AFG2A: variants seen among roughly 807,000 people sequenced by gnomAD.
AFG2A encodes ATPase family gene 2 protein homolog A.
At chr4:123,308,880 C>T in the AFG2A span, among the ~76,000 whole-genome samples, 2 of 152,214 alleles carry the variant, frequency 1.3e-5, no homozygotes, top group African/African-American at 4.8e-5. Context: ...GCTGCTACCA[C>T]TGTTGCTGCC....
the AFG2A span, among the ~76,000 whole-genome samples, chr4:122,974,328 G>C: frequency 6.6e-6 from 1 of 152,106 alleles, no homozygotes; most frequent in Non-Finnish European, 1.5e-5. Context: ...TGTCTCAGTA[G>C]GGTGATGTAT....
At chr4:123,036,955 CT>C in the AFG2A span, among the ~76,000 whole-genome samples, 1 of 151,976 alleles carries the variant, frequency 6.6e-6, no homozygotes, top group South Asian at 2.1e-4. Flanking sequence ...TTTCAAGTTC[CT>C]TTACTCACAT....
At chr4:123,225,996 G>A in the AFG2A span, among the ~76,000 whole-genome samples, 1 of 152,102 alleles carries the variant, frequency 6.6e-6, no homozygotes, top group Non-Finnish European at 1.5e-5. Flanking sequence ...GTTCACTCAT[G>A]ATTTGGTTCT....
At chr4:123,159,668 G>A in the AFG2A span, among the ~76,000 whole-genome samples, 1 of 152,164 alleles carries the variant, frequency 6.6e-6, no homozygotes, top group African/African-American at 2.4e-5. Context: ...CTGGGAAGCA[G>A]TGGGATATTA....
chr4:123,138,055 A>C, the AFG2A span, among the ~76,000 whole-genome samples: 1 of 152,138 alleles, frequency 6.6e-6, no homozygotes, highest in Non-Finnish European at 1.5e-5. Context: ...ACTTCTCTTA[A>C]TCTTTTCTGT....
chr4:123,203,366 A>G, the AFG2A span, among the ~76,000 whole-genome samples: 1 of 152,022 alleles, frequency 6.6e-6, no homozygotes, highest in Non-Finnish European at 1.5e-5. Flanking sequence ...TCTGTCACCC[A>G]GGCTAGAGTC....
the AFG2A span, among the ~76,000 whole-genome samples, chr4:123,248,775 T>G: frequency 6.6e-6 from 1 of 152,222 alleles, no homozygotes; most frequent in East Asian, 1.9e-4. Flanking sequence ...CTTTTCAATC[T>G]ATTATTCTAA....
At chr4:122,969,484 A>C in the AFG2A span, among the ~76,000 whole-genome samples, 638 of 152,260 alleles carry the variant, frequency 4.2e-3, 3 homozygotes, top group Non-Finnish European at 5.9e-3. Context: ...AGCCTTATAA[A>C]AAGTCATAAT....
At chr4:123,038,551 C>T in the AFG2A span, among the ~76,000 whole-genome samples, 3 of 152,010 alleles carry the variant, frequency 2.0e-5, no homozygotes, top group African/African-American at 7.2e-5. Flanking sequence ...AAATAACCTC[C>T]CTTGGTAATG....
the AFG2A span, among the ~76,000 whole-genome samples, chr4:122,929,878 A>G: frequency 3.9e-5 from 6 of 152,148 alleles, no homozygotes; most frequent in Non-Finnish European, 8.8e-5. Flanking sequence ...AGACAACCCA[A>G]GCTAAATGAG....
the AFG2A span, among the ~76,000 whole-genome samples, chr4:123,282,416 G>A: frequency 1.3e-5 from 2 of 152,146 alleles, no homozygotes; most frequent in Non-Finnish European, 2.9e-5. Context: ...ACTAAAACAA[G>A]CATGTTTGTC....
the AFG2A span, among the ~76,000 whole-genome samples, chr4:123,059,664 T>C: frequency 6.6e-6 from 1 of 151,078 alleles, no homozygotes; most frequent in Admixed American, 6.6e-5. Context: ...TTTGAGTATA[T>C]ACCCAGTAAT....
At chr4:123,151,678 G>C in the AFG2A span, among the ~76,000 whole-genome samples, 1 of 152,302 alleles carries the variant, frequency 6.6e-6, no homozygotes, top group East Asian at 1.9e-4. Context: ...TACACTGTTG[G>C]TGGGAGTATA....
At chr4:123,125,862 A>G in the AFG2A span, among the ~76,000 whole-genome samples, 1 of 152,138 alleles carries the variant, frequency 6.6e-6, no homozygotes, top group African/African-American at 2.4e-5. Context: ...CTCTATTACC[A>G]TTACTCTTCT....
the AFG2A span, among the ~76,000 whole-genome samples, chr4:123,036,474 C>T: frequency 6.6e-6 from 1 of 151,906 alleles, no homozygotes; most frequent in African/African-American, 2.4e-5. Flanking sequence ...GGATTTGTAG[C>T]TCAAGAGGAT....
At chr4:123,306,600 A>G in the AFG2A span, among the ~76,000 whole-genome samples, 146 of 151,938 alleles carry the variant, frequency 9.6e-4, no homozygotes, top group African/African-American at 3.2e-3. Flanking sequence ...TTGTTGCCCA[A>G]GCCAGAGTGC....
At chr4:122,968,423 TC>T in the AFG2A span, among the ~76,000 whole-genome samples, 3 of 152,190 alleles carry the variant, frequency 2.0e-5, no homozygotes, top group African/African-American at 7.2e-5. Context: ...CTGGTACCTC[TC>T]TCAGACCCTT....
chr4:123,075,488 CG>C, the AFG2A span, among the ~76,000 whole-genome samples: 1 of 151,788 alleles, frequency 6.6e-6, no homozygotes, highest in Non-Finnish European at 1.5e-5. Flanking sequence ...TTAGTAAAGG[CG>C]GGGTTTCACC....
the AFG2A span, among the ~76,000 whole-genome samples, chr4:123,136,623 G>A: frequency 1.1e-4 from 16 of 151,722 alleles, no homozygotes; most frequent in South Asian, 2.3e-3. Context: ...GCAGTGAGCC[G>A]AGATCGCACC....
Sources: gnomAD v4.1 joint callset for allele counts (sites outside exome capture counted in the v4.1 genomes callset) on GRCh38, gnomAD v4.1.1 for gene constraint, MANE v1.5 for transcripts, NCBI Gene and HGNC (gene_info 2026-07-23, HGNC 2026-07-21) for gene names.